Variants in BTBD8 observed in about 807,000 individuals in gnomAD.
The protein encoded by BTBD8 is BTB/POZ domain-containing protein 8.
Under a neutral mutation model 162.9 loss-of-function variants are expected in BTBD8, and 110 were observed. The observed-to-expected ratio is 0.68, with a 90% CI of 0.58 to 0.79. The LOEUF (loss-of-function observed/expected upper bound fraction) is 0.79. BTBD8 is among the 30% of genes least tolerant of loss of function. The probability of loss-of-function intolerance (pLI) is 0.00; values close to 1 mark genes in which losing one functional copy is unlikely to be tolerated. For synonymous variants in BTBD8, 667 were observed against 716.1 expected (o/e 0.93, Z 1.10); for missense variants, 1,905 against 2,085.4 (o/e 0.91, Z 1.68).
At chr1:92,108,557 G>A (rs771110622) in intron 4 of BTBD8, among the ~76,000 whole-genome samples, 2 of 152,164 alleles carry the variant, frequency 1.3e-5, no homozygotes, top group Non-Finnish European at 2.9e-5. Context: ...CCATTGTTCT[G>A]CTTCAGAATT....
Position 92,182,193 on chromosome 1 carries a change from G to A in BTBD8, c.4510G>A (p.Gly1504Ser), listed in dbSNP as rs1254506465. 6.4e-7 allele frequency: 1 copy of A among 1,550,732 alleles called. No homozygotes were observed. The highest frequency in any genetic ancestry group is 1.2e-5 in the South Asian group (1 of 83,966). The change falls in exon 17 of 18, where the codon GGC becomes AGC. Residue 1504 changes from glycine (G) to serine (S), a missense_variant. Coordinates refer to ENST00000636805, the MANE Select transcript of BTBD8 (RefSeq NM_001376131.1). ...DNILECKQNKGNSVCKNESTV... is the reference protein window; with the variant it reads ...DNILECKQNKSNSVCKNESTV... The stretch of plus-strand genomic sequence containing the variant: ...TATTTTAGAATGTAAACAAAATAAA[G>A]GCAATAGTGTATGTAAAAATGAAAG...
intron 4 of BTBD8, 74 bp downstream of exon 4, chr1:92,108,075 A>G: frequency 7.2e-7 from 1 of 1,386,376 alleles, no homozygotes; most frequent in East Asian, 2.3e-5. Flanking sequence ...TCTTACCAGC[A>G]CGGTGGTTTT....
intron 4 of BTBD8, among the ~76,000 whole-genome samples, chr1:92,119,609 T>C (rs1045835457): frequency 6.6e-6 from 1 of 151,372 alleles, no homozygotes; most frequent in African/African-American, 2.4e-5. Flanking sequence ...CCTTATTCTA[T>C]AAGCTCTTTT....
Position 92,181,468 on chromosome 1 carries a change from TA to T in BTBD8, c.3788del (p.Lys1263SerfsTer48). ...TGSATTSSDD[I>X]KPRSEDYDAG... Reference sequence around the variant, plus strand: ...AGTGCTACCACCTCCTCCGATGACATAAAGCCCAGATCTGAAGACTATGATG... The same window carrying T: ...AGTGCTACCACCTCCTCCGATGACATAAGCCCAGATCTGAAGACTATGATG... On this transcript the variant is annotated frameshift_variant, in exon 17 of 18. Transcript: ENST00000636805. LOFTEE classifies it high-confidence loss of function. 6.4e-7 allele frequency: 1 copy of T among 1,551,696 alleles called. No individual in the cohort carries two copies. Among genetic ancestry groups the T allele is most frequent in the South Asian group, 1.2e-5 (1 of 84,040 alleles).
rs774884224 is a variant in BTBD8, at chr1:92,168,893, C to T, written c.1471C>T (p.Arg491Cys). 1.2e-5 allele frequency: 18 copies of T among 1,538,034 alleles called. No individual in the cohort carries two copies. The highest frequency in any genetic ancestry group is 4.1e-5 in the African/African-American group (3 of 72,914). ...TTTTACGTGCAAGATCCAGGCTCTG[C>T]GTGATAAGCTGTGGATCTTCCTGGT... ...MGFTCKIQAL[R>C]DKLWIFLVQS... is the part of the protein sequence containing the mutation. The change falls in exon 12 of 18, where the codon CGT becomes TGT. Residue 491 changes from arginine to cysteine, a missense_variant. By Grantham distance (180) the Arg-to-Cys change is radical. Around this residue, in one of 3 missense-constraint regions of BTBD8, gnomAD observed 1,374 missense variants for 1,442.7 expected, o/e 0.95. Coordinates refer to ENST00000636805, the MANE Select transcript of BTBD8 (RefSeq NM_001376131.1).
intron 5 of BTBD8, among the ~76,000 whole-genome samples, chr1:92,137,238 A>G (rs538823552): frequency 6.6e-6 from 1 of 152,322 alleles, no homozygotes; most frequent in South Asian, 2.1e-4. Context: ...AGTTTAAAAT[A>G]GAATAATTGA....
intron 9 of BTBD8, among the ~76,000 whole-genome samples, chr1:92,163,646 A>G (rs1428888102): frequency 6.6e-6 from 1 of 151,856 alleles, no homozygotes; most frequent in African/African-American, 2.4e-5. Flanking sequence ...AAGCTTCCAC[A>G]GTGTGGAAGG....
At chr1:92,139,254 A>G in intron 5 of BTBD8, 96 bp from the exon 6 acceptor site, 1 of 1,305,064 alleles carries the variant, frequency 7.7e-7, no homozygotes, top group South Asian at 1.5e-5. Flanking sequence ...GGAAGATTAG[A>G]ACATCATCTT....
chr1:92,096,328 T>TGCCTTTC (rs1648450071), intron 2 of BTBD8, among the ~76,000 whole-genome samples: 1 of 152,194 alleles, frequency 6.6e-6, no homozygotes, highest in African/African-American at 2.4e-5. Context: ...TCAGCTTAAA[T>TGCCTTTC]GCCTTTCACT....
chr1:92,128,586 G>GT (rs1322961256), intron 4 of BTBD8, among the ~76,000 whole-genome samples: 2 of 149,834 alleles, frequency 1.3e-5, no homozygotes, highest in Non-Finnish European at 3.0e-5. Flanking sequence ...CCATTTTTTT[G>GT]TATTTTTTTT....
Position 92,088,690 on chromosome 1 carries a change from C to A in BTBD8, c.150-8C>A. On this transcript the variant is annotated splice_polypyrimidine_tract_variant and splice_region_variant and intron_variant, in intron 1 of 17. Transcript: ENST00000636805. ...AATTAAACTATGATTCCTTTTTATT[C>A]CTTATAGGCTTCTAAGGGAAGAATT... The A allele has an allele frequency of 6.4e-7, 1 of 1,555,328 alleles. No individual in the cohort carries two copies. Among genetic ancestry groups the A allele is most frequent in the South Asian group, 1.3e-5 (1 of 79,032 alleles).
chr1:92,129,865 G>A, intron 5 of BTBD8, 89 bp downstream of exon 5: 2 of 1,073,614 alleles, frequency 1.9e-6, no homozygotes, highest in Non-Finnish European at 2.8e-6. Context: ...GATTTCCCTG[G>A]ATGTTCAAGG....
At chr1:92,102,061 G>A (rs987980718) in intron 2 of BTBD8, among the ~76,000 whole-genome samples, 9 of 151,750 alleles carry the variant, frequency 5.9e-5, no homozygotes, top group South Asian at 2.1e-4. Flanking sequence ...TTGCTCTGTC[G>A]CTCAGGCTGG....
Position 92,181,126 on chromosome 1 carries a change from G to A in BTBD8, c.3443G>A (p.Cys1148Tyr). ...AAATGTGTGGAAGATGTTTCACTGT[G>A]TAATCCTGAAAGGACAAATGGTACC... ...SIKCVEDVSLCNPERTNGTLN... is the reference protein window; with the variant it reads ...SIKCVEDVSLYNPERTNGTLN... The change falls in exon 17 of 18, where the codon TGT (cysteine) becomes TAT (tyrosine). Residue 1148 changes from cysteine to tyrosine, a missense_variant. By Grantham distance (194) the Cys-to-Tyr change is radical (BLOSUM62 -2). Around this residue, in one of 3 missense-constraint regions of BTBD8, gnomAD observed 1,374 missense variants for 1,442.7 expected, o/e 0.95. Transcript: ENST00000636805. The A allele has an allele frequency of 1.3e-6, 2 of 1,551,576 alleles. No homozygotes were observed. Among genetic ancestry groups the A allele is most frequent in the Admixed American group, 2.0e-5 (1 of 50,986 alleles).
chr1:92,122,716 C>A (rs1649250131), intron 4 of BTBD8, among the ~76,000 whole-genome samples: 1 of 152,020 alleles, frequency 6.6e-6, no homozygotes, highest in African/African-American at 2.4e-5. Flanking sequence ...AGGCGTGTGC[C>A]ACCATGCCTG....
rs534853033 is a variant in BTBD8, at chr1:92,129,686, G to C, written c.663-1G>C. 2 of 1,613,078 alleles carry C rather than the reference G, an allele frequency of 1.2e-6. No homozygotes were observed. The highest frequency in any genetic ancestry group is 4.5e-5 in the East Asian group (2 of 44,874). On this transcript the variant is annotated splice_acceptor_variant, in intron 4 of 17. Coordinates refer to ENST00000636805, the MANE Select transcript of BTBD8 (RefSeq NM_001376131.1). LOFTEE classifies it high-confidence loss of function. ...GTGTTTCTCCCCCCTCTTCCCTTTA[G>C]GGCCATTTTGAGTGCCAGATCTAGT...
In BTBD8 at chr1:92,181,597, G is replaced by C. The variant is rs1650909010; in HGVS notation, c.3914G>C (p.Ser1305Thr). Residue 1305 changes from serine to threonine, a missense_variant, in exon 17 of 18, where the codon AGT becomes ACT. Ser to Thr is a moderately conservative substitution (Grantham distance 58). Coordinates refer to ENST00000636805, the MANE Select transcript of BTBD8 (RefSeq NM_001376131.1). ...CTTGGAAGAAGTAGCAGTGATACCA[G>C]TACTCCTGAAGAATTAAAAATTTAT... Reference protein sequence around the residue: ...DFLGRSSSDTSTPEELKIYDS... With the variant: ...DFLGRSSSDTTTPEELKIYDS... 7 of 1,551,412 alleles carry C rather than the reference G, an allele frequency of 4.5e-6. No individual in the cohort carries two copies. The highest frequency in any genetic ancestry group is 6.1e-6 in the Non-Finnish European group (7 of 1,146,768).
intron 9 of BTBD8, among the ~76,000 whole-genome samples, chr1:92,149,961 C>A (rs1347176260): frequency 6.6e-6 from 1 of 152,204 alleles, no homozygotes; most frequent in East Asian, 1.9e-4. Flanking sequence ...CATCTTTCCT[C>A]TTCTCATCTG....
intron 2 of BTBD8, among the ~76,000 whole-genome samples, chr1:92,093,585 C>T (rs373766041): frequency 3.9e-5 from 6 of 152,320 alleles, no homozygotes; most frequent in Admixed American, 3.9e-4. Context: ...AGTTCTACCA[C>T]TTCTGTATGA....
Sources: gnomAD v4.1 joint callset for allele counts (sites outside exome capture counted in the v4.1 genomes callset) on GRCh38, gnomAD v4.1.1 for gene constraint, gnomAD v4.1.1 regional missense constraint, MANE v1.5 for transcripts, NCBI Gene and HGNC (gene_info 2026-07-23, HGNC 2026-07-21) for gene names.